MAP3K5: variants seen among roughly 807,000 people sequenced by gnomAD.
MAP3K5 encodes mitogen-activated protein kinase kinase kinase 5, also known as ASK-1.
Under a neutral mutation model 158.7 loss-of-function variants are expected in MAP3K5, and 56 were observed. The ratio of observed to expected loss-of-function variants is 0.35; its 90% CI spans 0.28 to 0.44. The LOEUF (loss-of-function observed/expected upper bound fraction) is 0.44. Ranked by LOEUF, MAP3K5 falls within the 20% of genes least tolerant of loss-of-function variation. The probability of loss-of-function intolerance (pLI) is 1.00; values close to 1 mark genes in which losing one functional copy is unlikely to be tolerated. For missense variants in MAP3K5, 1,294 were observed against 1,674.8 expected (o/e 0.77, Z 3.97); for synonymous variants, 579 against 601.7 (o/e 0.96, Z 0.55).
intron 1 of MAP3K5, among the ~76,000 whole-genome samples, chr6:136,737,482 G>A (rs1173103702): frequency 6.6e-6 from 1 of 152,170 alleles, no homozygotes; most frequent in Non-Finnish European, 1.5e-5. Context: ...AGATAAGCCT[G>A]CTGAATAGAG....
intron 14 of MAP3K5, among the ~76,000 whole-genome samples, chr6:136,625,662 A>C (rs1777000869): frequency 1.3e-5 from 2 of 152,234 alleles, no homozygotes; most frequent in Non-Finnish European, 2.9e-5. Flanking sequence ...AGTGCCTGGC[A>C]GAAACAAAGC....
intron 3 of MAP3K5, 102 bp from the exon 4 acceptor site, chr6:136,698,784 G>A (rs1935265470): frequency 2.6e-6 from 2 of 777,870 alleles, no homozygotes; most frequent in Non-Finnish European, 4.1e-6. Context: ...AAATGCAAAG[G>A]GAAATAGAAA....
intron 1 of MAP3K5, among the ~76,000 whole-genome samples, chr6:136,778,982 A>G (rs1490342424): frequency 6.6e-6 from 1 of 152,180 alleles, no homozygotes; most frequent in Non-Finnish European, 1.5e-5. Flanking sequence ...CCTAGGTAAC[A>G]TGGTGAGACC....
rs1783813885 is a variant in MAP3K5, at chr6:136,762,789, T to C, written c.448+28921A>G. On this transcript the variant is annotated intron_variant, in intron 1 of 29. Transcript: ENST00000359015. ...ATGTCTGCATTGCCCCTGGGGAAAG[T>C]CCTCTCCCCCTTCCTCCTCCCAGTC... Among the ~76,000 whole-genome samples the C allele has an allele frequency of 2.0e-5, 3 of 152,102 alleles. No homozygotes were observed. In the South Asian group the frequency reaches 6.2e-4, roughly 32 times the overall value.
At chr6:136,663,199 T>C (rs1323070626) in intron 8 of MAP3K5, among the ~76,000 whole-genome samples, 2 of 152,172 alleles carry the variant, frequency 1.3e-5, no homozygotes, top group Non-Finnish European at 2.9e-5. Context: ...TCTAAAGCCA[T>C]ACACCTTATA....
At chr6:136,686,035 C>T (rs1017849826) in intron 7 of MAP3K5, among the ~76,000 whole-genome samples, 2 of 152,140 alleles carry the variant, frequency 1.3e-5, no homozygotes, top group Non-Finnish European at 2.9e-5. Flanking sequence ...GCTTTATAAG[C>T]AAGAGCATGA....
At position 136,614,225 on chromosome 6, in the gene MAP3K5, C is replaced by T; in HGVS notation, c.2212G>A (p.Val738Ile). The T allele has an allele frequency of 6.2e-7, 1 of 1,613,752 alleles. No individual in the cohort carries two copies. The highest frequency in any genetic ancestry group is 8.5e-7 in the Non-Finnish European group (1 of 1,179,784). ...LHKHLKHKNI[V>I]QYLGSFSENG... ...TCACTGAAAGAGCCCAGATACTGGA[C>T]AATATTTTTGTGCTTCAGGTGTTTA... is the stretch of plus-strand genomic sequence containing the variant. Residue 738 changes from valine (V) to isoleucine (I), a missense_variant, in exon 16 of 30, where the codon GTC becomes ATC. Physicochemically the swap from Val to Ile is conservative, Grantham distance 29. Around this residue, in one of 5 missense-constraint regions of MAP3K5, gnomAD observed 41 missense variants for 98.2 expected, o/e 0.42. Coordinates refer to ENST00000359015, the MANE Select transcript of MAP3K5 (RefSeq NM_005923.4).
At chr6:136,703,349 C>G (rs1193683737) in intron 3 of MAP3K5, among the ~76,000 whole-genome samples, 1 of 152,220 alleles carries the variant, frequency 6.6e-6, no homozygotes, top group Non-Finnish European at 1.5e-5. Flanking sequence ...GGGAGTGCTA[C>G]CTTCTCTGAA....
At chr6:136,709,918 G>C (rs1781237855) in intron 2 of MAP3K5, among the ~76,000 whole-genome samples, 1 of 152,126 alleles carries the variant, frequency 6.6e-6, no homozygotes, top group Admixed American at 6.5e-5. Flanking sequence ...GGTGACAAGA[G>C]AGTCCCATCT....
At chr6:136,779,094 G>A (rs1227435922) in intron 1 of MAP3K5, among the ~76,000 whole-genome samples, 1 of 152,134 alleles carries the variant, frequency 6.6e-6, no homozygotes, top group African/African-American at 2.4e-5. Flanking sequence ...GAGGCCAGGA[G>A]TTCGAGACCA....
intron 11 of MAP3K5, among the ~76,000 whole-genome samples, chr6:136,643,620 G>A (rs1210574038): frequency 6.6e-6 from 1 of 152,162 alleles, no homozygotes; most frequent in Non-Finnish European, 1.5e-5. Flanking sequence ...TCTTTGCTAG[G>A]TCCATGCAAC....
rs59508317 is a variant in MAP3K5, at chr6:136,611,107, C to CAAA, written c.2521+172_2521+174dup. Among the ~76,000 whole-genome samples the CAAA allele has an allele frequency of 1.3e-3, 33 of 24,456 alleles. 1 individual carries two copies. Among genetic ancestry groups the CAAA allele is most frequent in the African/African-American group, 2.8e-3 (23 of 8,332 alleles). 16.0% of individuals were successfully genotyped at this position (24,456 alleles called of 152,430 possible). On this transcript the variant is annotated intron_variant, in intron 18 of 29. Transcript: ENST00000359015. ...TAGGTGACAGGGCAAGACCCTGTCT[C>CAAA]AAAAAAAAAAAAAAAAAAAAAAAAA...
intron 2 of MAP3K5, among the ~76,000 whole-genome samples, chr6:136,719,480 C>G (rs1349986148): frequency 6.6e-6 from 1 of 152,156 alleles, no homozygotes; most frequent in Non-Finnish European, 1.5e-5. Context: ...AAGGGATATA[C>G]CTGTCAATCA....
At chr6:136,584,880 T>C (rs1775048551) in intron 23 of MAP3K5, among the ~76,000 whole-genome samples, 1 of 152,198 alleles carries the variant, frequency 6.6e-6, no homozygotes, top group Non-Finnish European at 1.5e-5. Flanking sequence ...CCCTTATTGC[T>C]ATGCGTGTCT....
chr6:136,573,685 T>C lies in MAP3K5; in HGVS notation c.3518-5811A>G, dbSNP rs181754200. Reference sequence around the variant, plus strand: ...AAAGAGGGAAGTGTATTTGAAAGAATGAAGCTCAAACGATGGCCCAGGACC... The same window carrying C: ...AAAGAGGGAAGTGTATTTGAAAGAACGAAGCTCAAACGATGGCCCAGGACC... On this transcript the variant is annotated intron_variant, in intron 25 of 29. Transcript: ENST00000359015. Among the ~76,000 whole-genome samples the C allele has an allele frequency of 8.5e-5, 13 of 152,166 alleles. No homozygotes were observed. The East Asian group carries it at 1.7e-3, about 20-fold the overall frequency.
chr6:136,768,864 G>T (rs1432434693), intron 1 of MAP3K5, among the ~76,000 whole-genome samples: 3 of 151,262 alleles, frequency 2.0e-5, no homozygotes, highest in Non-Finnish European at 4.4e-5. Flanking sequence ...AGTGAGCCAA[G>T]ATCGTGCCAC....
In MAP3K5 at chr6:136,792,259, T is replaced by C. The variant is rs1414055475; in HGVS notation, c.-102A>G. 15 of 1,211,648 alleles carry C rather than the reference T, an allele frequency of 1.2e-5. No homozygotes were observed. In the Admixed American group the frequency reaches 1.3e-4, roughly 11 times the overall value. 75.1% of individuals were successfully genotyped at this position (1,211,648 alleles called of 1,614,324 possible). A position where few individuals can be genotyped will look rare whatever the true frequency, so the allele number is the denominator to read the frequency against. ...CTCCGCGCCCGCCGGGCTAAGCAGC[T>C]GCCATCGCGCGCCGCGCCCTCGCCG... On this transcript the variant is annotated 5_prime_UTR_variant, in exon 1 of 30. Transcript: ENST00000359015. This position sits in a 1 kb window ranked among gnomAD's most constrained non-coding sequence, Gnocchi z 5.7.
intron 1 of MAP3K5, among the ~76,000 whole-genome samples, chr6:136,730,262 T>C (rs1054807247): frequency 1.3e-5 from 2 of 151,510 alleles, no homozygotes; most frequent in Admixed American, 1.3e-4. Flanking sequence ...GCCTCCCAAG[T>C]GCTGGGATAA....
At chr6:136,671,617 T>C (rs914005917) in intron 7 of MAP3K5, among the ~76,000 whole-genome samples, 2 of 152,126 alleles carry the variant, frequency 1.3e-5, no homozygotes, top group African/African-American at 4.8e-5. Flanking sequence ...GAATTTTTGT[T>C]TGTTTGTTTC....
Sources: allele counts gnomAD v4.1 joint callset (sites outside exome capture counted in the v4.1 genomes callset), GRCh38; gene constraint gnomAD v4.1.1; regional missense constraint gnomAD v4.1.1; non-coding constraint Gnocchi (gnomAD v3.1); transcripts MANE v1.5; gene names NCBI Gene and HGNC (gene_info 2026-07-23, HGNC 2026-07-21).